The following FOXN3 variants were observed in gnomAD, a reference collection of about 807,000 sequenced individuals.
FOXN3 encodes forkhead box N3.
A neutral mutation model predicts 38.4 loss-of-function variants in FOXN3; 7 were observed. That is an observed-to-expected ratio of 0.18 (90% CI 0.10 to 0.34). FOXN3 has a LOEUF of 0.34. Among genes scored for constraint, FOXN3 ranks in the 10% least tolerant of loss-of-function variants. FOXN3 has a pLI of 1.00. For missense variants in FOXN3, 456 were observed against 613.4 expected, an observed-to-expected ratio of 0.74 and a Z score of 2.71; for synonymous variants, 230 against 242.2, an observed-to-expected ratio of 0.95 and a Z score of 0.47.
In FOXN3 at chr14:89,412,314, T is replaced by A; in HGVS notation, c.163A>T (p.Met55Leu). 1 of 1,614,114 alleles carries A rather than the reference T, an allele frequency of 6.2e-7. No individual in the cohort carries two copies. The highest frequency in any genetic ancestry group is 8.5e-7 in the Non-Finnish European group (1 of 1,180,020). ...AGGTTGGTCAGCTCTTCATCTTCCA[T>A]GGCCCCCTCTTCTAATCGGATGTCA... The part of the protein sequence containing the change: ...LPDIRLEEGA[M>L]EDEELTNLNW... Residue 55 changes from methionine to leucine, a missense_variant, in exon 2 of 6, where the codon ATG becomes TTG. Around this residue, in one of 3 missense-constraint regions of FOXN3, gnomAD observed 59 missense variants for 69.0 expected, o/e 0.85. Transcript: ENST00000557258. The surrounding 1 kb of genome is among the most constrained non-coding windows in gnomAD (Gnocchi z 4.7).
intron 1 of FOXN3, among the ~76,000 whole-genome samples, chr14:89,591,688 G>T (rs960650330): frequency 1.3e-5 from 2 of 152,218 alleles, no homozygotes; most frequent in Non-Finnish European, 2.9e-5. Context: ...ACTTTGGGGG[G>T]TTGAAGCAGG....
chr14:89,229,253 G>A (rs150938983), intron 4 of FOXN3, among the ~76,000 whole-genome samples: 5,450 of 152,212 alleles, frequency 0.036, 160 homozygotes, highest in Non-Finnish European at 0.05. Context: ...ATTGATTGCC[G>A]GGCCAATACC....
At chr14:89,273,899 G>C (rs1231791661) in intron 4 of FOXN3, among the ~76,000 whole-genome samples, 1 of 152,232 alleles carries the variant, frequency 6.6e-6, no homozygotes, top group African/African-American at 2.4e-5. Context: ...AGGCAATTAG[G>C]ACTTAGGTGT....
intron 1 of FOXN3, among the ~76,000 whole-genome samples, chr14:89,499,927 G>A (rs528291052): frequency 5.3e-5 from 8 of 152,164 alleles, no homozygotes; most frequent in Non-Finnish European, 7.4e-5. Flanking sequence ...GTTGCTCACC[G>A]CAACCTCCGC....
At chr14:89,321,265 T>G (rs1274855038) in intron 3 of FOXN3, among the ~76,000 whole-genome samples, 1 of 151,860 alleles carries the variant, frequency 6.6e-6, no homozygotes, top group Non-Finnish European at 1.5e-5. Context: ...CCCTCCAGCC[T>G]GGGCAAATCT....
intron 2 of FOXN3, among the ~76,000 whole-genome samples, chr14:89,372,158 TC>T (rs1890337041): frequency 6.6e-6 from 1 of 151,730 alleles, no homozygotes. Context: ...ACATAATAAT[TC>T]CCCTGCAATT....
intron 3 of FOXN3, among the ~76,000 whole-genome samples, chr14:89,297,569 A>C (rs912409241): frequency 3.6e-4 from 55 of 152,056 alleles, no homozygotes; most frequent in Non-Finnish European, 1.0e-4. Flanking sequence ...CAAAAAAAAA[A>C]AAAAAAATTA....
At chr14:89,413,869 A>AGAAGGGAAGG (rs1339606113) in intron 1 of FOXN3, among the ~76,000 whole-genome samples, 1 of 128,694 alleles carries the variant, frequency 7.8e-6, no homozygotes, top group Non-Finnish European at 1.6e-5. Flanking sequence ...GGAGGGCAAG[A>AGAAGGGAAGG]GAAGGGAAGG....
intron 1 of FOXN3, among the ~76,000 whole-genome samples, chr14:89,430,505 C>T (rs780179997): frequency 3.3e-5 from 5 of 152,158 alleles, no homozygotes; most frequent in Non-Finnish European, 4.4e-5. Flanking sequence ...AGAATTTTAG[C>T]TCTTCTGTTT....
intron 3 of FOXN3, among the ~76,000 whole-genome samples, chr14:89,293,762 G>C (rs1886950232): frequency 1.3e-5 from 2 of 152,042 alleles, no homozygotes; most frequent in South Asian, 2.1e-4. Context: ...TTGGGGGTAG[G>C]GGGAGAGAAG....
intron 3 of FOXN3, among the ~76,000 whole-genome samples, chr14:89,339,965 T>TG (rs1174361060): frequency 6.6e-6 from 1 of 151,684 alleles, no homozygotes; most frequent in East Asian, 1.9e-4. Flanking sequence ...GGTTTGGGGG[T>TG]GGGGGGCAAT....
intron 4 of FOXN3, among the ~76,000 whole-genome samples, chr14:89,269,532 G>A (rs1217095032): frequency 6.7e-6 from 1 of 149,972 alleles, no homozygotes; most frequent in Non-Finnish European, 1.5e-5. Flanking sequence ...GCCACTGAAT[G>A]CTGGAACTTG....
intron 2 of FOXN3, among the ~76,000 whole-genome samples, chr14:89,386,117 A>G (rs1410163117): frequency 6.6e-6 from 1 of 152,248 alleles, no homozygotes; most frequent in Non-Finnish European, 1.5e-5. Context: ...CAAACAGCTC[A>G]GAGGATGCAC....
At chr14:89,240,000 T>A (rs1013320894) in intron 4 of FOXN3, among the ~76,000 whole-genome samples, 1 of 152,190 alleles carries the variant, frequency 6.6e-6, no homozygotes, top group Non-Finnish European at 1.5e-5. Context: ...CTCTTGTTCA[T>A]CCAGCAGTGA....
intron 1 of FOXN3, among the ~76,000 whole-genome samples, chr14:89,553,875 C>T (rs933990897): frequency 7.9e-5 from 12 of 151,866 alleles, no homozygotes; most frequent in African/African-American, 2.9e-4. Flanking sequence ...TTTCCAGAGC[C>T]TAAATAGTAA....
intron 4 of FOXN3, among the ~76,000 whole-genome samples, chr14:89,210,297 C>G (rs1037562344): frequency 6.6e-6 from 1 of 152,144 alleles, no homozygotes. Context: ...CCTGCCCCCG[C>G]CCCTCTCACC....
rs55935162 is a variant in FOXN3 at position 89,528,376 on chromosome 14, CTTTTTTTTTTTTTTTTTTTT to C, written c.-15+90632_-15+90651del. On this transcript the variant is annotated intron_variant, in intron 1 of 6. Coordinates refer to the FOXN3 transcript ENST00000345097. ...TCATCCATACTCAACATGGATGAAT[CTTTTTTTTTTTTTTTTTTTT>C]TTTTTTTTTTTTTGAAAAAGAAAGA... Among the ~76,000 whole-genome samples the C allele has an allele frequency of 8.4e-4, 45 of 53,588 alleles. No individual in the cohort carries two copies. The Admixed American group carries it at 0.013, about 16-fold the overall frequency. The allele number at this position is 53,588 out of a possible 152,430, so 35.2% of individuals were successfully genotyped here.
intron 3 of FOXN3, among the ~76,000 whole-genome samples, chr14:89,347,383 T>G (rs966573560): frequency 6.6e-6 from 1 of 152,002 alleles, no homozygotes; most frequent in Non-Finnish European, 1.5e-5. Flanking sequence ...CCAAAAGCAT[T>G]CCAGCAAAAT....
intron 1 of FOXN3, among the ~76,000 whole-genome samples, chr14:89,518,754 T>C (rs1894259521): frequency 6.6e-6 from 1 of 152,196 alleles, no homozygotes; most frequent in Non-Finnish European, 1.5e-5. Context: ...TGGTGGCTCA[T>C]GCCTGTAATC....
Sources: gnomAD v4.1 joint callset for allele counts (sites outside exome capture counted in the v4.1 genomes callset) on GRCh38, gnomAD v4.1.1 for gene constraint, gnomAD v4.1.1 regional missense constraint, Gnocchi (gnomAD v3.1) non-coding constraint, MANE v1.5 for transcripts, NCBI Gene and HGNC (gene_info 2026-07-23, HGNC 2026-07-21) for gene names.